The following ZNF706 variants were observed in gnomAD, a reference collection of about 807,000 sequenced individuals.
ZNF706 encodes transcriptional regulator ZNF706.
In ZNF706, 4 loss-of-function variants were observed where a neutral mutation model predicts 9.2. The observed-to-expected ratio is 0.43, with a 90% CI of 0.21 to 0.99. The LOEUF (loss-of-function observed/expected upper bound fraction) is 0.99, where lower values mean the gene tolerates loss of function less well. ZNF706 is among the 50% of genes least tolerant of loss of function. ZNF706 has a pLI of 0.26. For missense variants in ZNF706, 27 were observed against 87.8 expected (o/e 0.31, Z 2.77); for synonymous variants, 28 against 27.3 (o/e 1.03, Z -0.08).
chr8:101,200,449 A>T (rs912612602), intron 2 of ZNF706, among the ~76,000 whole-genome samples: 1 of 152,194 alleles, frequency 6.6e-6, no homozygotes, highest in African/African-American at 2.4e-5. Context: ...TTTACCTGAT[A>T]AGGAAACTAA....
rs1810403145 is a variant in ZNF706, at chr8:101,197,465, C to A, written c.*1787G>T. 1 of 151,304 alleles carries A rather than the reference C, an allele frequency of 6.6e-6. No homozygotes were observed. The allele number at this position is 151,304 out of a possible 1,614,324, so 9.4% of individuals were successfully genotyped here. ...ATAGTGTTAAATATGGTGTCTTCAG[C>A]TGCTTATAAAAAAGGGTTAAATACA... On this transcript the variant is annotated 3_prime_UTR_variant, in exon 4 of 4. Transcript: ENST00000311212.
Position 101,201,693 on chromosome 8 carries a change from T to C in ZNF706, c.49A>G (p.Lys17Glu). ...KIQSQQKNAK[K>E]QAGQKKKQGH... ...TGTTTCTTCTTTTGTCCAGCTTGCT[T>C]TTTGGCATTTTTCTGCTGAGACTGA... The change falls in exon 2 of 4, where the codon AAG becomes GAG. Residue 17 changes from lysine (K) to glutamate (E), a missense_variant. By Grantham distance (56) the Lys-to-Glu change is moderately conservative. Transcript: ENST00000311212. This position sits in a 1 kb window ranked among gnomAD's most constrained non-coding sequence, Gnocchi z 4.5. 1 of 1,613,954 alleles carries C rather than the reference T, an allele frequency of 6.2e-7. No homozygotes were observed. The highest frequency in any genetic ancestry group is 1.1e-5 in the South Asian group (1 of 91,074).
rs960133437 is a variant in ZNF706, at chr8:101,198,013, C to A, written c.*1239G>T. 6.6e-6 allele frequency: 1 copy of A among 152,004 alleles called. No homozygotes were observed. Among genetic ancestry groups the A allele is most frequent in the African/African-American group, 2.4e-5 (1 of 41,354 alleles). 9.4% of individuals were successfully genotyped at this position (152,004 alleles called of 1,614,324 possible). On this transcript the variant is annotated 3_prime_UTR_variant, in exon 4 of 4. Coordinates refer to ENST00000311212, the MANE Select transcript of ZNF706 (RefSeq NM_016096.5). ...ATTATATTAATTTAAAAATTTAAAC[C>A]GAGTTAACAGCAGTTTTACAAGTTA...
At chr8:101,206,115 C>T (rs1810764618), upstream of ZNF706, 1 of 152,248 alleles carries the variant, frequency 6.6e-6, no homozygotes, top group Non-Finnish European at 1.5e-5. Flanking sequence ...AGGCGCTGGC[C>T]CGGGAGCGGA....
rs976697517 is a variant in ZNF706 at position 101,197,297 on chromosome 8, G to A, written c.*1955C>T. Reference sequence around the variant, plus strand: ...ATGAACTTTGCTGCAATCTGTTAAAGAATCTTCAAATTAAATTACAGGGAT... The same window carrying A: ...ATGAACTTTGCTGCAATCTGTTAAAAAATCTTCAAATTAAATTACAGGGAT... On this transcript the variant is annotated 3_prime_UTR_variant, in exon 4 of 4. Transcript: ENST00000311212. 6.6e-6 allele frequency: 1 copy of A among 152,158 alleles called. No individual in the cohort carries two copies. Among genetic ancestry groups the A allele is most frequent in the Non-Finnish European group, 1.5e-5 (1 of 68,016 alleles). The allele number at this position is 152,158 out of a possible 1,614,324, so 9.4% of individuals were successfully genotyped here.
In ZNF706 at chr8:101,201,791, A is replaced by AGAG; in HGVS notation, c.-2-51_-2-49dup. 6.3e-7 allele frequency: 1 copy of AGAG among 1,582,088 alleles called. No homozygotes were observed. The highest frequency in any genetic ancestry group is 8.6e-7 in the Non-Finnish European group (1 of 1,160,624). On this transcript the variant is annotated intron_variant, in intron 1 of 3. Coordinates refer to ENST00000311212, the MANE Select transcript of ZNF706 (RefSeq NM_016096.5). This position sits in a 1 kb window ranked among gnomAD's most constrained non-coding sequence, Gnocchi z 4.5. ...TAGAGTGGCTTATTTACTCTAATAC[A>AGAG]GAGTAATCAAAGCATAAGAACGTTC... is the stretch of plus-strand genomic sequence containing the variant.
At chr8:101,204,720 A>G (rs1401367433) in intron 1 of ZNF706, 3 of 985,390 alleles carry the variant, frequency 3.0e-6, no homozygotes, top group Admixed American at 1.2e-4. Context: ...AGTGGAAGAA[A>G]CGAGTTCTAA....
chr8:101,204,922 G>T, intron 1 of ZNF706: 1 of 985,560 alleles, frequency 1.0e-6, no homozygotes, highest in South Asian at 4.7e-5. Context: ...ATCGTTTTGG[G>T]GAGAGGAGAG....
In ZNF706 at chr8:101,205,600, G is replaced by A; in HGVS notation, c.-168C>T. 1 of 143,236 alleles carries A rather than the reference G, an allele frequency of 7.0e-6. No individual in the cohort carries two copies. The highest frequency in any genetic ancestry group is 1.6e-5 in the Non-Finnish European group (1 of 62,390). The allele number at this position is 143,236 out of a possible 1,614,324, so 8.9% of individuals were successfully genotyped here. A position where few individuals can be genotyped will look rare whatever the true frequency, so the allele number is the denominator to read the frequency against. On this transcript the variant is annotated 5_prime_UTR_variant, in exon 1 of 4. Coordinates refer to ENST00000311212, the MANE Select transcript of ZNF706 (RefSeq NM_016096.5). The surrounding 1 kb of genome is among the most constrained non-coding windows in gnomAD (Gnocchi z 6.6). ...GGGAGCACAACAGCCTCGCACGCCCGCCGCCGCCGCGCGCCCGCCGCCGCC... is the reference window on the plus strand; with the variant it reads ...GGGAGCACAACAGCCTCGCACGCCCACCGCCGCCGCGCGCCCGCCGCCGCC...
chr8:101,201,766 T>G lies in ZNF706; in HGVS notation c.-2-23A>C. ...TATCTAAAAACAGAAGGTGAAGCAT[T>G]AGAGTGGCTTATTTACTCTAATACA... is the stretch of plus-strand genomic sequence containing the variant. On this transcript the variant is annotated intron_variant, in intron 1 of 3. Coordinates refer to ENST00000311212, the MANE Select transcript of ZNF706 (RefSeq NM_016096.5). This position sits in a 1 kb window ranked among gnomAD's most constrained non-coding sequence, Gnocchi z 4.5. The G allele has an allele frequency of 1.2e-6, 2 of 1,613,512 alleles. No homozygotes were observed. Among genetic ancestry groups the G allele is most frequent in the Non-Finnish European group, 1.7e-6 (2 of 1,179,830 alleles).
intron 1 of ZNF706, chr8:101,203,153 A>T (rs1810625147): frequency 1.3e-5 from 2 of 152,184 alleles, no homozygotes; most frequent in South Asian, 4.1e-4. Flanking sequence ...ATCTGACGTG[A>T]ACCCAAATGG....
rs555933480 is a variant in ZNF706, at chr8:101,205,012, C to T, written c.-3+423G>A. Reference sequence around the variant, plus strand: ...AGCCTGGCGCACCTTCCTTCCCAAACCCGCCTCTCCCGCCTCGGAGACCCC... The same window carrying T: ...AGCCTGGCGCACCTTCCTTCCCAAATCCGCCTCTCCCGCCTCGGAGACCCC... On this transcript the variant is annotated intron_variant, in intron 1 of 3. Transcript: ENST00000311212. The surrounding 1 kb of genome is among the most constrained non-coding windows in gnomAD (Gnocchi z 6.6). 5 of 905,430 alleles carry T rather than the reference C, an allele frequency of 5.5e-6. No homozygotes were observed. The highest frequency in any genetic ancestry group is 6.6e-6 in the Non-Finnish European group (5 of 757,146). 56.1% of individuals were successfully genotyped at this position (905,430 alleles called of 1,614,324 possible).
intron 1 of ZNF706, chr8:101,204,760 T>C (rs916121422): frequency 4.1e-5 from 40 of 985,282 alleles, no homozygotes; most frequent in Non-Finnish European, 4.7e-5. Flanking sequence ...AGGCAACAAG[T>C]AAGCTCTGCC....
chr8:101,202,862 C>CT (rs1405740933), intron 1 of ZNF706: 2 of 152,124 alleles, frequency 1.3e-5, no homozygotes, highest in African/African-American at 4.8e-5. Flanking sequence ...ATTTTTATAA[C>CT]TTTAAGAGAA....
chr8:101,202,762 A>C (rs1297879975), intron 1 of ZNF706: 1 of 152,216 alleles, frequency 6.6e-6, no homozygotes, highest in African/African-American at 2.4e-5. Flanking sequence ...TCACAAGTTT[A>C]CTAAAAAAGT....
chr8:101,199,596 GA>G (rs1308677886), intron 3 of ZNF706, among the ~76,000 whole-genome samples: 4 of 151,820 alleles, frequency 2.6e-5, no homozygotes, highest in South Asian at 2.1e-4. Flanking sequence ...GGTTGGGGGA[GA>G]AAAAAAAGAA....
Position 101,200,162 on chromosome 8 carries a change from A to G in ZNF706, c.136-65T>C, listed in dbSNP as rs768442569. ...ATAAAATAAAAATGTGTTACTTTTT[A>G]GAATCCTGAACCTTCTCAGTATAGA... On this transcript the variant is annotated intron_variant, in intron 2 of 3. Coordinates refer to ENST00000311212, the MANE Select transcript of ZNF706 (RefSeq NM_016096.5). 1.8e-5 allele frequency: 24 copies of G among 1,329,518 alleles called. No individual in the cohort carries two copies. The African/African-American group carries it at 3.4e-4, about 19-fold the overall frequency. 82.4% of individuals were successfully genotyped at this position (1,329,518 alleles called of 1,614,324 possible). A position where few individuals can be genotyped will look rare whatever the true frequency, so the allele number is the denominator to read the frequency against.
chr8:101,204,151 T>C (rs1169346048), intron 1 of ZNF706: 1 of 152,274 alleles, frequency 6.6e-6, no homozygotes, highest in Non-Finnish European at 1.5e-5. Context: ...AGCCACTAAT[T>C]TCAGAAGTTC....
Position 101,201,277 on chromosome 8 carries a change from A to T in ZNF706, c.135+330T>A, listed in dbSNP as rs1243355609. On this transcript the variant is annotated intron_variant, in intron 2 of 3. Transcript: ENST00000311212. The surrounding 1 kb of genome is among the most constrained non-coding windows in gnomAD (Gnocchi z 4.5). ...TATAACTAGAGGTATACTTACTAGCATATTATATAGCTCTAAGAGTGTAGA... is the reference window on the plus strand; with the variant it reads ...TATAACTAGAGGTATACTTACTAGCTTATTATATAGCTCTAAGAGTGTAGA... 3 of 221,324 alleles carry T rather than the reference A, an allele frequency of 1.4e-5. No individual in the cohort carries two copies. The highest frequency in any genetic ancestry group is 2.7e-5 in the Non-Finnish European group (3 of 111,808). The allele number at this position is 221,324 out of a possible 1,614,324, so 13.7% of individuals were successfully genotyped here.
Sources: allele counts gnomAD v4.1 joint callset (sites outside exome capture counted in the v4.1 genomes callset), GRCh38; gene constraint gnomAD v4.1.1; non-coding constraint Gnocchi (gnomAD v3.1); transcripts MANE v1.5; gene names NCBI Gene and HGNC (gene_info 2026-07-23, HGNC 2026-07-21).